The following EPB41L2 variants were observed in gnomAD, a reference collection of about 807,000 sequenced individuals.
EPB41L2 encodes the protein band 4.1-like protein 2.
Under a neutral mutation model 113.0 loss-of-function variants are expected in EPB41L2, and 43 were observed. That is an observed-to-expected ratio of 0.38 (90% CI 0.30 to 0.49). The LOEUF (loss-of-function observed/expected upper bound fraction) is 0.49. Among genes scored for constraint, EPB41L2 ranks in the 20% least tolerant of loss-of-function variants. EPB41L2 has a pLI of 0.95. For missense variants in EPB41L2, 1,147 were observed against 1,223.4 expected (o/e 0.94, Z 0.93); for synonymous variants, 442 against 436.7 (o/e 1.01, Z -0.15).
chr6:130,850,821 A>G (rs1014312198), intron 19 of EPB41L2, among the ~76,000 whole-genome samples: 1 of 152,254 alleles, frequency 6.6e-6, no homozygotes, highest in Non-Finnish European at 1.5e-5. Flanking sequence ...TGTACGCATT[A>G]GAGCAGTGGT....
chr6:130,926,642 T>TA lies in EPB41L2; in HGVS notation c.772dup (p.Tyr258LeufsTer11). The stretch of plus-strand genomic sequence containing the variant: ...GCTTTCCTGAAACAAAAGTCCAAAG[T>TA]AGTCTTTCTCCAAGAGATTGAGGTG... On this transcript the variant is annotated frameshift_variant, in exon 4 of 20. Coordinates refer to ENST00000337057, the MANE Select transcript of EPB41L2 (RefSeq NM_001431.4). LOFTEE classifies it high-confidence loss of function. 6.2e-7 allele frequency: 1 copy of TA among 1,610,220 alleles called. No individual in the cohort carries two copies. Among genetic ancestry groups the TA allele is most frequent in the Non-Finnish European group, 8.5e-7 (1 of 1,179,088 alleles).
At position 131,031,300 on chromosome 6, in the gene EPB41L2, T is replaced by TC. The variant is rs1055062539; in HGVS notation, c.-15+31854_-15+31855insG. On this transcript the variant is annotated intron_variant, in intron 1 of 19. Coordinates refer to ENST00000337057, the MANE Select transcript of EPB41L2 (RefSeq NM_001431.4). ...AAGGATAAGAAAATATACAGAGATTTTTTTTTTAAAAAGCCATAATAGAGT... is the reference window on the plus strand; with the variant it reads ...AAGGATAAGAAAATATACAGAGATTTCTTTTTTTAAAAAGCCATAATAGAGT... 1.6e-3 allele frequency among the ~76,000 whole-genome samples: 236 copies of TC among 152,164 alleles called. 1 individual carries two copies. Among genetic ancestry groups the TC allele is most frequent in the Non-Finnish European group, 2.6e-3 (180 of 67,998 alleles).
chr6:130,974,675 A>G (rs1444518517), intron 1 of EPB41L2, among the ~76,000 whole-genome samples: 3 of 149,764 alleles, frequency 2.0e-5, no homozygotes, highest in East Asian at 3.9e-4. Context: ...CTCAAAGCCA[A>G]TAGACTTTTC....
At chr6:130,997,650 A>G (rs1405726077) in intron 1 of EPB41L2, among the ~76,000 whole-genome samples, 1 of 152,220 alleles carries the variant, frequency 6.6e-6, no homozygotes, top group African/African-American at 2.4e-5. Flanking sequence ...GGACTGCAAA[A>G]TGGCATCTGC....
chr6:130,982,375 C>CTTAA (rs1779570164), intron 1 of EPB41L2, among the ~76,000 whole-genome samples: 8 of 152,112 alleles, frequency 5.3e-5, no homozygotes, highest in Admixed American at 5.2e-4. Flanking sequence ...AAACCTAAGG[C>CTTAA]TTAAATATAT....
At chr6:130,951,760 G>C (rs1022765889) in intron 3 of EPB41L2, among the ~76,000 whole-genome samples, 1 of 151,742 alleles carries the variant, frequency 6.6e-6, no homozygotes, top group Non-Finnish European at 1.5e-5. Context: ...TATCAGCCTT[G>C]GCCATGAGAC....
At chr6:130,883,810 C>G (rs1161254307) in intron 12 of EPB41L2, among the ~76,000 whole-genome samples, 1 of 152,122 alleles carries the variant, frequency 6.6e-6, no homozygotes, top group Non-Finnish European at 1.5e-5. Flanking sequence ...TTCCATATGA[C>G]AGTCACAAAT....
chr6:130,899,932 C>T (rs1795835658), intron 7 of EPB41L2, among the ~76,000 whole-genome samples: 1 of 152,190 alleles, frequency 6.6e-6, no homozygotes, highest in African/African-American at 2.4e-5. Flanking sequence ...TAAACACATT[C>T]TTACTCCTTC....
At chr6:130,920,010 C>T (rs1026101173) in intron 4 of EPB41L2, among the ~76,000 whole-genome samples, 1 of 152,060 alleles carries the variant, frequency 6.6e-6, no homozygotes, top group Admixed American at 6.6e-5. Context: ...ACCTTTTATT[C>T]TGTTTCTTGC....
intron 8 of EPB41L2, among the ~76,000 whole-genome samples, chr6:130,896,296 C>T (rs554991955): frequency 2.5e-4 from 38 of 152,254 alleles, no homozygotes; most frequent in Admixed American, 1.6e-3. Flanking sequence ...TTAAAAAATC[C>T]AATCAATTGC....
chr6:131,003,669 G>C (rs980529216), intron 1 of EPB41L2, among the ~76,000 whole-genome samples: 1 of 152,014 alleles, frequency 6.6e-6, no homozygotes, highest in African/African-American at 2.4e-5. Context: ...GGAACTGTAT[G>C]GTTTTCAAAA....
intron 3 of EPB41L2, among the ~76,000 whole-genome samples, chr6:130,950,967 C>T (rs1814704001): frequency 6.6e-6 from 1 of 151,950 alleles, no homozygotes; most frequent in Admixed American, 6.6e-5. Context: ...GGGAGAAAGT[C>T]CTTAATCTGA....
In EPB41L2 at chr6:130,954,040, C is replaced by CTTTCTTTTTTTTTTTTTTTTTTTTTTTTT; in HGVS notation, c.705+1064_705+1065insAAAAAAAAAAAAAAAAAAAAAAAAAGAAA. 2.2e-3 allele frequency among the ~76,000 whole-genome samples: 128 copies of CTTTCTTTTTTTTTTTTTTTTTTTTTTTTT among 58,870 alleles called. 28 individuals are homozygous for CTTTCTTTTTTTTTTTTTTTTTTTTTTTTT. The highest frequency in any genetic ancestry group is 3.4e-3 in the Non-Finnish European group (104 of 30,228). The allele number at this position is 58,870 out of a possible 152,430, so 38.6% of individuals were successfully genotyped here. A position where few individuals can be genotyped will look rare whatever the true frequency, so the allele number is the denominator to read the frequency against. ...TCCTCTTTTGCTAGTCCTTTTCTTT[C>CTTTCTTTTTTTTTTTTTTTTTTTTTTTTT]TTTTTTTTTTTTTTTTTTTTTTTTT... On this transcript the variant is annotated intron_variant, in intron 3 of 19. Coordinates refer to ENST00000337057, the MANE Select transcript of EPB41L2 (RefSeq NM_001431.4).
At chr6:131,023,740 T>TATATATATATATATATAGATATATAG (rs1377748039) in intron 1 of EPB41L2, among the ~76,000 whole-genome samples, 1 of 21,922 alleles carries the variant, frequency 4.6e-5, no homozygotes, top group African/African-American at 1.1e-4. Flanking sequence ...TATATATATC[T>TATATATATATATATATAGATATATAG]ATATATCTAT....
Position 131,034,581 on chromosome 6 carries a change from T to C in EPB41L2, c.-15+28574A>G, listed in dbSNP as rs144921274. 1.6e-3 allele frequency among the ~76,000 whole-genome samples: 239 copies of C among 152,292 alleles called. 3 individuals carry two copies. The highest frequency in any genetic ancestry group is 9.6e-4 in the East Asian group (5 of 5,184). On this transcript the variant is annotated intron_variant, in intron 1 of 19. Transcript: ENST00000337057. ...ACTCAAAATTACTTTTCCAAAATCA[T>C]ACAACTGGTTATAACAAAATAAGGA... is the stretch of plus-strand genomic sequence containing the variant.
chr6:130,998,129 T>A (rs1392596470), intron 1 of EPB41L2, among the ~76,000 whole-genome samples: 1 of 152,206 alleles, frequency 6.6e-6, no homozygotes, highest in Admixed American at 6.5e-5. Flanking sequence ...CTCCATTTTA[T>A]AAGTAAGGAA....
At chr6:131,025,615 CAG>C (rs1430475574) in intron 1 of EPB41L2, among the ~76,000 whole-genome samples, 1 of 152,192 alleles carries the variant, frequency 6.6e-6, no homozygotes, top group East Asian at 1.9e-4. Context: ...GCTTTCACTC[CAG>C]AGTTGCCTCT....
In EPB41L2 at chr6:130,879,675, C is replaced by T. The variant is rs118091303; in HGVS notation, c.1896+469G>A. Among the ~76,000 whole-genome samples, 488 of 132,700 alleles carry T rather than the reference C, an allele frequency of 3.7e-3. 1 individual carries two copies. Among genetic ancestry groups the T allele is most frequent in the Middle Eastern group, 7.1e-3 (2 of 280 alleles). The allele number at this position is 132,700 out of a possible 152,430, so 87.1% of individuals were successfully genotyped here. A position where few individuals can be genotyped will look rare whatever the true frequency, so the allele number is the denominator to read the frequency against. On this transcript the variant is annotated intron_variant, in intron 13 of 19. Coordinates refer to ENST00000337057, the MANE Select transcript of EPB41L2 (RefSeq NM_001431.4). ...TCTCAAACAGAATACTGAAAGTGGA[C>T]CACATTCCCAATCATGGATTTTAAC... is the stretch of plus-strand genomic sequence containing the variant.
chr6:131,008,633 A>C (rs1361702084), intron 1 of EPB41L2, among the ~76,000 whole-genome samples: 1 of 152,206 alleles, frequency 6.6e-6, no homozygotes, highest in Non-Finnish European at 1.5e-5. Flanking sequence ...AAGCCCATGA[A>C]AGCAGCCGGG....
Sources: gnomAD v4.1 joint callset for allele counts (sites outside exome capture counted in the v4.1 genomes callset) on GRCh38, gnomAD v4.1.1 for gene constraint, MANE v1.5 for transcripts, NCBI Gene and HGNC (gene_info 2026-07-23, HGNC 2026-07-21) for gene names.